Variants in PSD3 observed in about 807,000 individuals in gnomAD.
PSD3 encodes PH and SEC7 domain-containing protein 3.
A neutral mutation model predicts 105.5 loss-of-function variants in PSD3; 49 were observed. That is an observed-to-expected ratio of 0.46 (90% CI 0.37 to 0.59). The LOEUF (loss-of-function observed/expected upper bound fraction) is 0.59, where lower values mean the gene tolerates loss of function less well. PSD3 is among the 20% of genes least tolerant of loss of function. The pLI is 0.00. For synonymous variants in PSD3, 557 were observed against 457.8 expected, an observed-to-expected ratio of 1.22 and a Z score of -2.77; for missense variants, 1,561 against 1,263.8, an observed-to-expected ratio of 1.24 and a Z score of -3.57.
chr8:18,980,931 C>G (rs929852492), intron 1 of PSD3, among the ~76,000 whole-genome samples: 8 of 152,152 alleles, frequency 5.3e-5, no homozygotes, highest in Non-Finnish European at 7.3e-5. Flanking sequence ...TCGCACTTAG[C>G]TACTCCCCCA....
At chr8:19,062,373 G>T (rs1828931711) in intron 1 of PSD3, among the ~76,000 whole-genome samples, 1 of 152,172 alleles carries the variant, frequency 6.6e-6, no homozygotes, top group Non-Finnish European at 1.5e-5. Context: ...AATGCTTACA[G>T]TTGATGGGGT....
chr8:18,793,948 C>CATTAAATTTTTAAAATAATT (rs1809992597), intron 8 of PSD3, among the ~76,000 whole-genome samples: 2 of 99,536 alleles, frequency 2.0e-5, no homozygotes, highest in African/African-American at 3.1e-5. Context: ...CAATATGAAG[C>CATTAAATTTTTAAAATAATT]TGTGGGGAAA....
At chr8:18,834,294 T>C (rs1327774596) in intron 4 of PSD3, among the ~76,000 whole-genome samples, 1 of 152,118 alleles carries the variant, frequency 6.6e-6, no homozygotes, top group Non-Finnish European at 1.5e-5. Context: ...TAAGCAAAAT[T>C]AAAATGATAA....
chr8:18,904,581 T>C (rs1316137562), intron 2 of PSD3, among the ~76,000 whole-genome samples: 1 of 152,218 alleles, frequency 6.6e-6, no homozygotes, highest in Non-Finnish European at 1.5e-5. Context: ...GAAATGGTAA[T>C]GTGTACCCAA....
chr8:18,586,420 G>C (rs1425815859), intron 12 of PSD3, among the ~76,000 whole-genome samples: 2 of 152,118 alleles, frequency 1.3e-5, no homozygotes, highest in African/African-American at 4.8e-5. Context: ...TTCTTGAATT[G>C]TTCTATATGG....
At chr8:18,572,709 C>T (rs74625154) in intron 13 of PSD3, 37 bp from the exon 14 acceptor site, 55,091 of 1,600,636 alleles carry the variant, frequency 0.034, 1,127 homozygotes, top group Middle Eastern at 0.063. Flanking sequence ...AGGATATTGC[C>T]ATGTCTAAGT....
chr8:19,068,677 G>A (rs1829156415), intron 1 of PSD3, among the ~76,000 whole-genome samples: 1 of 151,912 alleles, frequency 6.6e-6, no homozygotes, highest in Non-Finnish European at 1.5e-5. Flanking sequence ...GAGTTAATGG[G>A]TGCAGCACAG....
At chr8:18,784,060 C>T (rs911932541) in intron 8 of PSD3, among the ~76,000 whole-genome samples, 3 of 152,018 alleles carry the variant, frequency 2.0e-5, no homozygotes, top group Non-Finnish European at 2.9e-5. Context: ...TCTATTATGT[C>T]CAGAAACATG....
intron 4 of PSD3, among the ~76,000 whole-genome samples, chr8:18,866,037 T>C (rs1319295212): frequency 6.6e-6 from 1 of 152,222 alleles, no homozygotes; most frequent in Non-Finnish European, 1.5e-5. Context: ...CCTGTGGCTT[T>C]TGCAGTGAAG....
intron 2 of PSD3, among the ~76,000 whole-genome samples, chr8:18,914,941 C>T (rs1441500170): frequency 6.6e-6 from 1 of 152,160 alleles, no homozygotes; most frequent in Non-Finnish European, 1.5e-5. Flanking sequence ...CGTTACTTGA[C>T]TGCAAAATGT....
intron 10 of PSD3, among the ~76,000 whole-genome samples, chr8:18,638,002 A>G (rs1807390766): frequency 6.6e-6 from 1 of 152,016 alleles, no homozygotes; most frequent in Admixed American, 6.6e-5. Flanking sequence ...CTAAAAATAC[A>G]AATATTAGCC....
rs71218905 is a variant in PSD3 at position 18,828,067 on chromosome 8, AT to A, written c.1635-23170del. On this transcript the variant is annotated intron_variant, in intron 4 of 15. Coordinates refer to ENST00000327040, the MANE Select transcript of PSD3 (RefSeq NM_015310.4). ...TATATGTATATATATATATATATATATTTTTTTTTTTTTACAAAAAAAATGA... is the reference window on the plus strand; with the variant it reads ...TATATGTATATATATATATATATATATTTTTTTTTTTTACAAAAAAAATGA... Among the ~76,000 whole-genome samples the A allele has an allele frequency of 8.6e-3, 1,021 of 118,862 alleles. 11 individuals are homozygous for A. Among genetic ancestry groups the A allele is most frequent in the African/African-American group, 0.022 (626 of 28,426 alleles). 78.0% of individuals were successfully genotyped at this position (118,862 alleles called of 152,430 possible). A position where few individuals can be genotyped will look rare whatever the true frequency, so the allele number is the denominator to read the frequency against.
intron 2 of PSD3, among the ~76,000 whole-genome samples, chr8:18,903,461 T>C (rs1250141242): frequency 6.6e-6 from 1 of 152,018 alleles, no homozygotes; most frequent in African/African-American, 2.4e-5. Flanking sequence ...AATAGCACAT[T>C]GATGATTCCA....
chr8:19,078,516 G>A (rs1829531506), intron 1 of PSD3, among the ~76,000 whole-genome samples: 1 of 151,904 alleles, frequency 6.6e-6, no homozygotes, highest in South Asian at 2.1e-4. Flanking sequence ...AGTGTTTCTG[G>A]GCATTGACTG....
At chr8:18,566,761 A>T (rs13278204) in intron 14 of PSD3, among the ~76,000 whole-genome samples, 72,400 of 151,672 alleles carry the variant, frequency 0.48, 18,728 homozygotes, top group Non-Finnish European at 0.59. Flanking sequence ...AAAATCTTCA[A>T]TCCCTAATTG....
At chr8:18,618,992 T>A (rs1490052505) in intron 11 of PSD3, among the ~76,000 whole-genome samples, 1 of 152,132 alleles carries the variant, frequency 6.6e-6, no homozygotes, top group Non-Finnish European at 1.5e-5. Flanking sequence ...ACAAGGCATA[T>A]CCTCTATCTC....
At chr8:18,803,309 A>AAAAAG in intron 6 of PSD3, 1 of 160,724 alleles carries the variant, frequency 6.2e-6, no homozygotes, top group Non-Finnish European at 1.4e-5. Context: ...AAAAAAAAAA[A>AAAAAG]GGCTATTGGG....
At chr8:18,935,553 C>A (rs1350361556) in intron 2 of PSD3, among the ~76,000 whole-genome samples, 3 of 150,062 alleles carry the variant, frequency 2.0e-5, no homozygotes, top group Admixed American at 6.6e-5. Context: ...TTTAATTAGT[C>A]AGGTGTGGTG....
At chr8:18,613,848 C>T (rs1403114238) in intron 11 of PSD3, among the ~76,000 whole-genome samples, 1 of 152,178 alleles carries the variant, frequency 6.6e-6, no homozygotes, top group Non-Finnish European at 1.5e-5. Context: ...TCCTGAAAAA[C>T]AGCTGAATTT....
Sources: allele counts gnomAD v4.1 joint callset (sites outside exome capture counted in the v4.1 genomes callset), GRCh38; gene constraint gnomAD v4.1.1; transcripts MANE v1.5; gene names NCBI Gene and HGNC (gene_info 2026-07-23, HGNC 2026-07-21).